The following CAPRIN2 variants were observed in gnomAD, a reference collection of about 807,000 sequenced individuals.
The protein encoded by CAPRIN2 is caprin-2.
Under a neutral mutation model 130.4 loss-of-function variants are expected in CAPRIN2, and 66 were observed. The observed-to-expected ratio is 0.51, with a 90% CI of 0.42 to 0.62. The LOEUF (loss-of-function observed/expected upper bound fraction) is 0.62. CAPRIN2 is among the 20% of genes least tolerant of loss of function. The pLI is 0.00. For synonymous variants in CAPRIN2, 471 were observed against 444.1 expected (o/e 1.06, Z -0.76); for missense variants, 1,185 against 1,246.6 (o/e 0.95, Z 0.74).
At chr12:30,753,359 G>C in exon 1 of CAPRIN2, 1 of 1,603,924 alleles carries the variant, frequency 6.2e-7, no homozygotes, top group Non-Finnish European at 8.5e-7. Flanking sequence ...TTTTCTCGAT[G>C]TTTCTAATTT....
rs2054187526 is a variant in CAPRIN2, at chr12:30,710,899, GC to G, written c.2666-430del. Among the ~76,000 whole-genome samples, 1 of 152,166 alleles carries G rather than the reference GC, an allele frequency of 6.6e-6. No individual in the cohort carries two copies. Among genetic ancestry groups the G allele is most frequent in the Admixed American group, 6.5e-5 (1 of 15,278 alleles). ...CAATTTTTAGAACTACTAGCCACTAGCCATTCAGAGATATATTGATATGGAA... is the reference window on the plus strand; with the variant it reads ...CAATTTTTAGAACTACTAGCCACTAGCATTCAGAGATATATTGATATGGAA... On this transcript the variant is annotated intron_variant, in intron 16 of 16. Coordinates refer to ENST00000298892, the Ensembl canonical transcript of CAPRIN2. This position sits in a 1 kb window ranked among gnomAD's most constrained non-coding sequence, Gnocchi z 4.8.
chr12:30,710,403 G>A lies in CAPRIN2; in HGVS notation c.2733C>T (p.Asp911=). Residue 911 remains aspartate, a synonymous_variant, in exon 17 of 17, where the codon GAC becomes GAT. Coordinates refer to ENST00000298892, the Ensembl canonical transcript of CAPRIN2. This position sits in a 1 kb window ranked among gnomAD's most constrained non-coding sequence, Gnocchi z 4.8. ...TGCTACGGGAGTCTCCTTGTCCAGA[G>A]TCACCACTGTTAAAGGTTTCGTTGT... 2 of 1,614,148 alleles carry A rather than the reference G, an allele frequency of 1.2e-6. No individual in the cohort carries two copies. The highest frequency in any genetic ancestry group is 1.7e-6 in the Non-Finnish European group (2 of 1,180,034).
intron 7 of CAPRIN2, 91 bp from the exon 9 acceptor site, chr12:30,729,416 AT>A: frequency 1.2e-6 from 1 of 862,128 alleles, no homozygotes; most frequent in Middle Eastern, 3.4e-4. Context: ...ATGTCCTCTG[AT>A]CTAAGTTGTT....
intron 14 of CAPRIN2, 117 bp downstream of exon 16, chr12:30,714,842 A>G (rs372221947): frequency 1.4e-6 from 1 of 704,552 alleles, no homozygotes. Context: ...CACAAACAGG[A>G]AATTCTCTAC....
chr12:30,738,270 G>C (rs958601029), intron 3 of CAPRIN2, among the ~76,000 whole-genome samples: 15 of 151,688 alleles, frequency 9.9e-5, no homozygotes, highest in Non-Finnish European at 1.6e-4. Flanking sequence ...ACAAAATTTG[G>C]TGAGTTGGGA....
chr12:30,720,984 G>T, intron 11 of CAPRIN2, 69 bp from the exon 13 acceptor site: 1 of 1,089,198 alleles, frequency 9.2e-7, no homozygotes, highest in Non-Finnish European at 1.4e-6. Context: ...TTGGGCCCTG[G>T]CCTTCCTAAT....
exon 1 of CAPRIN2, chr12:30,753,440 C>T: frequency 6.2e-7 from 1 of 1,614,128 alleles, no homozygotes; most frequent in Non-Finnish European, 8.5e-7. Flanking sequence ...CAGCAGAACT[C>T]AGAGTAGACT....
chr12:30,713,699 A>G (rs999752514), intron 15 of CAPRIN2, 86 bp downstream of exon 17: 2 of 777,016 alleles, frequency 2.6e-6, no homozygotes, highest in African/African-American at 3.4e-5. Flanking sequence ...TCAGAAAACA[A>G]ATTATGACTC....
chr12:30,719,017 G>C, intron 12 of CAPRIN2, 62 bp downstream of exon 14: 1 of 1,535,240 alleles, frequency 6.5e-7, no homozygotes, highest in Non-Finnish European at 8.9e-7. Context: ...AATTATGTAA[G>C]AGAAACAATG....
intron 2 of CAPRIN2, among the ~76,000 whole-genome samples, chr12:30,750,585 G>A (rs1323782127): frequency 6.6e-6 from 1 of 151,448 alleles, no homozygotes; most frequent in Non-Finnish European, 1.5e-5. Context: ...TGCCTCCTGA[G>A]AGGGCACACG....
intron 12 of CAPRIN2, 60 bp downstream of exon 13, chr12:30,720,751 G>T: frequency 2.1e-6 from 2 of 960,780 alleles, no homozygotes; most frequent in Non-Finnish European, 3.4e-6. Flanking sequence ...TAATTCATAA[G>T]ATAAACTGGT....
chr12:30,721,506 G>C (rs2059393938), intron 11 of CAPRIN2, among the ~76,000 whole-genome samples: 1 of 152,266 alleles, frequency 6.6e-6, no homozygotes, highest in Admixed American at 6.5e-5. Context: ...AAAATTGGGA[G>C]AAAGCACATT....
chr12:30,717,242 T>C (rs546857529), intron 12 of CAPRIN2, among the ~76,000 whole-genome samples: 1 of 152,210 alleles, frequency 6.6e-6, no homozygotes, highest in Non-Finnish European at 1.5e-5. Flanking sequence ...AATGGATTAT[T>C]CAGCCATACA....
intron 13 of CAPRIN2, chr12:30,715,446 T>C: frequency 2.1e-6 from 1 of 479,750 alleles, no homozygotes; most frequent in South Asian, 1.5e-5. Context: ...ACCACTTATA[T>C]GAGGTACCTA....
At chr12:30,740,176 G>C (rs2066763740) in intron 3 of CAPRIN2, among the ~76,000 whole-genome samples, 1 of 152,102 alleles carries the variant, frequency 6.6e-6, no homozygotes, top group Admixed American at 6.6e-5. Flanking sequence ...GGCCAAGGCA[G>C]GAAGATCCCT....
intron 11 of CAPRIN2, among the ~76,000 whole-genome samples, chr12:30,721,945 C>T (rs1371049): frequency 0.65 from 98,551 of 152,012 alleles, 33,298 homozygotes; most frequent in African/African-American, 0.84. Flanking sequence ...AAGATTAGAG[C>T]GTTTCTAAAA....
rs754373140 is a variant in CAPRIN2 at position 30,712,733 on chromosome 12, C to CTTTT, written c.2601+1048_2601+1051dup. ...TTTAGATTCCAAGATGTTTTCCACT[C>CTTTT]TTTTTTTTTTTTTTTTTTTTTTTTT... On this transcript the variant is annotated intron_variant, in intron 15 of 16. Transcript: ENST00000298892. 4.2e-3 allele frequency among the ~76,000 whole-genome samples: 450 copies of CTTTT among 107,274 alleles called. 5 individuals are homozygous for CTTTT. The highest frequency in any genetic ancestry group is 6.4e-3 in the Middle Eastern group (1 of 156). 70.4% of individuals were successfully genotyped at this position (107,274 alleles called of 152,430 possible).
At position 30,719,219 on chromosome 12, in the gene CAPRIN2, T is replaced by C. The variant is rs372375858; in HGVS notation, c.2148+1592A>G. The C allele has an allele frequency of 5.1e-5, 82 of 1,613,764 alleles. No individual in the cohort carries two copies. The African/African-American group carries it at 9.5e-4, about 19-fold the overall frequency. On this transcript the variant is annotated intron_variant, in intron 12 of 16. Coordinates refer to ENST00000298892, the Ensembl canonical transcript of CAPRIN2. ...GAAGACGGTTGCTTGCCTGGGGGAA[T>C]TGCTGCCTGGGGAGGAGAAATGCAG...
At position 30,710,311 on chromosome 12, in the gene CAPRIN2, A is replaced by T. The variant is rs752649925; in HGVS notation, c.2825T>A (p.Leu942Gln). Residue 942 changes from leucine (L) to glutamine (Q), a missense_variant, in exon 17 of 17, where the codon CTG becomes CAG. By Grantham distance (113) the Leu-to-Gln change is moderately radical. This residue lies in a region of CAPRIN2 where 1,104 missense variants were observed against 1,104.3 expected (regional missense o/e 1.00). Coordinates refer to ENST00000298892, the Ensembl canonical transcript of CAPRIN2. This position sits in a 1 kb window ranked among gnomAD's most constrained non-coding sequence, Gnocchi z 4.8. ...GAAGGCAACTCGCATCTGCTGAGGC[A>T]GAGGGTAGACGTGTACTGGCAGTAT... 1.2e-6 allele frequency: 2 copies of T among 1,614,222 alleles called. No individual in the cohort carries two copies. The highest frequency in any genetic ancestry group is 2.2e-5 in the South Asian group (2 of 91,090).
Sources: allele counts gnomAD v4.1 joint callset (sites outside exome capture counted in the v4.1 genomes callset), GRCh38; gene constraint gnomAD v4.1.1; regional missense constraint gnomAD v4.1.1; non-coding constraint Gnocchi (gnomAD v3.1); transcripts MANE v1.5; gene names NCBI Gene and HGNC (gene_info 2026-07-23, HGNC 2026-07-21).